PRKCE: variants seen among roughly 807,000 people sequenced by gnomAD.
The protein encoded by PRKCE is protein kinase C epsilon, also known as protein kinase C epsilon type.
A neutral mutation model predicts 85.4 loss-of-function variants in PRKCE; 16 were observed. That is an observed-to-expected ratio of 0.19 (90% confidence interval 0.13 to 0.28). PRKCE has a LOEUF of 0.28. PRKCE is among the 10% of genes least tolerant of loss of function. The pLI, the probability that PRKCE is intolerant of heterozygous loss-of-function variation, is 1.00. For missense variants in PRKCE, 573 were observed against 975.2 expected, an observed-to-expected ratio of 0.59 and a Z score of 5.49; for synonymous variants, 388 against 371.5, an observed-to-expected ratio of 1.04 and a Z score of -0.51.
At chr2:46,048,004 A>G (rs13427647) in intron 10 of PRKCE, among the ~76,000 whole-genome samples, 4,565 of 152,310 alleles carry the variant, frequency 0.03, 137 homozygotes, top group South Asian at 0.12. Context: ...ACTAACTCAC[A>G]TATTAATTAT....
intron 1 of PRKCE, among the ~76,000 whole-genome samples, chr2:45,829,281 G>A (rs1348202297): frequency 2.6e-5 from 4 of 152,108 alleles, no homozygotes; most frequent in Admixed American, 1.3e-4. Flanking sequence ...TTTACATTTC[G>A]TCGGCAGCGT....
intron 1 of PRKCE, among the ~76,000 whole-genome samples, chr2:45,702,931 G>A (rs1678774528): frequency 6.6e-6 from 1 of 152,140 alleles, no homozygotes; most frequent in South Asian, 2.1e-4. Context: ...TGGGCTTAGT[G>A]TTCCGGAGAT....
intron 2 of PRKCE, among the ~76,000 whole-genome samples, chr2:45,947,883 T>C (rs376584281): frequency 6.6e-6 from 1 of 152,200 alleles, no homozygotes; most frequent in African/African-American, 2.4e-5. Flanking sequence ...TATAACCTAT[T>C]GTACTTAATA....
intron 14 of PRKCE, among the ~76,000 whole-genome samples, chr2:46,183,980 C>A (rs1198950167): frequency 2.0e-5 from 3 of 152,142 alleles, no homozygotes; most frequent in African/African-American, 7.2e-5. Context: ...ATAAGGCACA[C>A]AGTTGTACCT....
intron 11 of PRKCE, among the ~76,000 whole-genome samples, chr2:46,119,088 G>A (rs1673062070): frequency 6.6e-6 from 1 of 152,142 alleles, no homozygotes; most frequent in South Asian, 2.1e-4. Flanking sequence ...GATAAAATTA[G>A]CAGAGCTAAG....
At chr2:45,689,877 G>A (rs1677592726) in intron 1 of PRKCE, among the ~76,000 whole-genome samples, 1 of 149,046 alleles carries the variant, frequency 6.7e-6, no homozygotes, top group South Asian at 2.1e-4. Context: ...GTGACAGGCT[G>A]GGTGACAGAG....
intron 11 of PRKCE, among the ~76,000 whole-genome samples, chr2:46,108,660 A>G (rs1470645101): frequency 6.6e-6 from 1 of 152,212 alleles, no homozygotes; most frequent in Non-Finnish European, 1.5e-5. Flanking sequence ...CTACAAATAA[A>G]AAAGTGTGTT....
intron 1 of PRKCE, among the ~76,000 whole-genome samples, chr2:45,710,280 A>G (rs1369714925): frequency 2.0e-5 from 3 of 152,174 alleles, no homozygotes; most frequent in African/African-American, 4.8e-5. Flanking sequence ...ACACATCCCC[A>G]GTTTTTCAGC....
chr2:45,753,671 CT>C (rs1333662255), intron 1 of PRKCE, among the ~76,000 whole-genome samples: 1 of 152,110 alleles, frequency 6.6e-6, no homozygotes, highest in Non-Finnish European at 1.5e-5. Flanking sequence ...AAAAAAAAAC[CT>C]TTCTTATTAA....
intron 2 of PRKCE, chr2:45,851,964 G>A (rs1692299055): frequency 6.6e-6 from 1 of 152,284 alleles, no homozygotes; most frequent in Non-Finnish European, 1.5e-5. Flanking sequence ...GGTGAGGCAA[G>A]ACCCCCTCAG....
rs558342563 is a variant in PRKCE, at chr2:45,907,827, C to T, written c.412+64764C>T. 1.6e-4 allele frequency among the ~76,000 whole-genome samples: 25 copies of T among 152,184 alleles called. 1 individual carries two copies. Among genetic ancestry groups the T allele is most frequent in the Non-Finnish European group, 3.5e-4 (24 of 68,042 alleles). On this transcript the variant is annotated intron_variant, in intron 2 of 14. Transcript: ENST00000306156. This position sits in a 1 kb window ranked among gnomAD's most constrained non-coding sequence, Gnocchi z 4.5. Reference sequence around the variant, plus strand: ...AGCAGTCCCTACTTCACAGCCTCACCGTGCCCATCCTCTGAGCTAATAATA... The same window carrying T: ...AGCAGTCCCTACTTCACAGCCTCACTGTGCCCATCCTCTGAGCTAATAATA...
intron 6 of PRKCE, among the ~76,000 whole-genome samples, chr2:45,986,285 A>G (rs991268431): frequency 6.6e-6 from 1 of 152,244 alleles, no homozygotes; most frequent in Non-Finnish European, 1.5e-5. Flanking sequence ...ATGGAGCCCA[A>G]GTGCTGTAGG....
intron 10 of PRKCE, among the ~76,000 whole-genome samples, chr2:46,084,251 G>A (rs893346790): frequency 1.3e-5 from 2 of 152,206 alleles, no homozygotes; most frequent in Non-Finnish European, 2.9e-5. Flanking sequence ...TGGAGTGGGG[G>A]TGAAGGTAGT....
intron 2 of PRKCE, among the ~76,000 whole-genome samples, chr2:45,845,924 C>G (rs977643950): frequency 6.6e-6 from 1 of 152,122 alleles, no homozygotes; most frequent in Non-Finnish European, 1.5e-5. Flanking sequence ...TGTCAGAGCT[C>G]GTGGCTGAGG....
rs559674626 is a variant in PRKCE, at chr2:46,155,751, G to A, written c.1921-3855G>A. ...CCCATCACAGCTAGTCATCAAGTCC[G>A]TTCCCCCTGCTAACCTTTTCCATTT... On this transcript the variant is annotated intron_variant, in intron 13 of 14. Coordinates refer to ENST00000306156, the MANE Select transcript of PRKCE (RefSeq NM_005400.3). This position sits in a 1 kb window ranked among gnomAD's most constrained non-coding sequence, Gnocchi z 4.7. Among the ~76,000 whole-genome samples the A allele has an allele frequency of 4.6e-5, 7 of 152,202 alleles. No individual in the cohort carries two copies. In the South Asian group the frequency reaches 8.3e-4, roughly 18 times the overall value.
In PRKCE at chr2:45,970,021, A is replaced by G. The variant is rs1011330399; in HGVS notation, c.413-6408A>G. Among the ~76,000 whole-genome samples the G allele has an allele frequency of 2.6e-5, 4 of 152,336 alleles. No individual in the cohort carries two copies. The South Asian group carries it at 8.3e-4, about 32-fold the overall frequency. On this transcript the variant is annotated intron_variant, in intron 2 of 14. Transcript: ENST00000306156. ...TGCAAAGGGAAACATCTATAAGGAT[A>G]TAGCTTTTAGTTTGTTTAATTATTG...
intron 11 of PRKCE, among the ~76,000 whole-genome samples, chr2:46,124,560 G>A (rs910691521): frequency 2.6e-5 from 4 of 152,062 alleles, no homozygotes; most frequent in African/African-American, 9.7e-5. Context: ...CTATCACTTT[G>A]TGTTCATTCC....
At chr2:45,752,769 C>T (rs1338087098) in intron 1 of PRKCE, among the ~76,000 whole-genome samples, 1 of 152,190 alleles carries the variant, frequency 6.6e-6, no homozygotes, top group Non-Finnish European at 1.5e-5. Flanking sequence ...GTACCTACCT[C>T]CACCTCAGTG....
rs566826552 is a variant in PRKCE at position 46,082,429 on chromosome 2, C to T, written c.1438-3779C>T. The stretch of plus-strand genomic sequence containing the variant: ...GTTTCTGAAGGGTGAAGCTTTGCCC[C>T]GAGACCTAGAGAACTAGTTCATTGG... On this transcript the variant is annotated intron_variant, in intron 10 of 14. Coordinates refer to ENST00000306156, the MANE Select transcript of PRKCE (RefSeq NM_005400.3). Among the ~76,000 whole-genome samples the T allele has an allele frequency of 4.6e-5, 7 of 152,240 alleles. No homozygotes were observed. The East Asian group carries it at 9.6e-4, about 21-fold the overall frequency.
Sources: gnomAD v4.1 joint callset for allele counts (sites outside exome capture counted in the v4.1 genomes callset) on GRCh38, gnomAD v4.1.1 for gene constraint, Gnocchi (gnomAD v3.1) non-coding constraint, MANE v1.5 for transcripts, NCBI Gene and HGNC (gene_info 2026-07-23, HGNC 2026-07-21) for gene names.